TMEM101: variants seen among roughly 807,000 people sequenced by gnomAD.
TMEM101 encodes transmembrane protein 101.
Under a neutral mutation model 26.0 loss-of-function variants are expected in TMEM101, and 14 were observed. That is an observed-to-expected ratio of 0.54 (90% confidence interval 0.36 to 0.84). The LOEUF is 0.84. Among genes scored for constraint, TMEM101 ranks in the 40% least tolerant of loss-of-function variants. The pLI is 0.01. For missense variants in TMEM101, 292 were observed against 345.1 expected, an observed-to-expected ratio of 0.85 and a Z score of 1.22; for synonymous variants, 152 against 145.1, an observed-to-expected ratio of 1.05 and a Z score of -0.34.
chr17:44,012,387 G>C, intron 3 of TMEM101, 151 bp from the exon 4 acceptor site: 1 of 710,430 alleles, frequency 1.4e-6, no homozygotes, highest in Non-Finnish European at 2.3e-6. Context: ...TAGGGCCTTT[G>C]TCTCCCCCTC....
intron 3 of TMEM101, chr17:44,012,674 G>C: frequency 2.4e-6 from 1 of 412,070 alleles, no homozygotes; most frequent in Non-Finnish European, 4.3e-6. Flanking sequence ...TCCCAGCTGG[G>C]GCCTGACCCC....
upstream of TMEM101, among the ~76,000 whole-genome samples, chr17:44,017,949 A>G (rs1458456452): frequency 2.0e-5 from 3 of 151,966 alleles, no homozygotes; most frequent in African/African-American, 7.3e-5. Context: ...CCTGGCCAAC[A>G]TGGCAAAACC....
upstream of TMEM101, among the ~76,000 whole-genome samples, chr17:44,018,436 A>G (rs2049254864): frequency 1.3e-5 from 2 of 152,216 alleles, no homozygotes; most frequent in African/African-American, 4.8e-5. Context: ...GGAGAATGAG[A>G]AAAAGTCTGG....
chr17:44,022,373 G>A (rs1034915353), intron 1 of TMEM101, among the ~76,000 whole-genome samples: 12 of 152,138 alleles, frequency 7.9e-5, no homozygotes, highest in African/African-American at 2.9e-4. Flanking sequence ...CCAGTACACT[G>A]ACTGGGCCAC....
At chr17:44,016,555 T>C (rs2049233659), upstream of TMEM101, among the ~76,000 whole-genome samples, 1 of 152,138 alleles carries the variant, frequency 6.6e-6, no homozygotes, top group Non-Finnish European at 1.5e-5. Flanking sequence ...TGGGTTTCTG[T>C]TTACTGTTTA....
At chr17:44,012,706 C>A in intron 3 of TMEM101, 1 of 419,508 alleles carries the variant, frequency 2.4e-6, no homozygotes, top group Non-Finnish European at 4.2e-6. Context: ...TCCTTTATCC[C>A]CTTCTAGTCC....
upstream of TMEM101, chr17:44,019,241 A>AC (rs1567949015): frequency 2.6e-6 from 1 of 379,742 alleles, no homozygotes; most frequent in Non-Finnish European, 5.2e-6. Context: ...TACTCACCAG[A>AC]CTATGGAGGA....
At chr17:44,018,141 A>G (rs2049252187), upstream of TMEM101, among the ~76,000 whole-genome samples, 2 of 151,948 alleles carry the variant, frequency 1.3e-5, 1 homozygote, top group Admixed American at 1.3e-4. Context: ...AAACAAACAC[A>G]GTCACTAGGA....
In TMEM101 at chr17:44,013,046, G is replaced by A. The variant is rs778368490; in HGVS notation, c.428C>T (p.Thr143Ile). The A allele has an allele frequency of 6.2e-7, 1 of 1,608,282 alleles. No individual in the cohort carries two copies. Among genetic ancestry groups the A allele is most frequent in the Non-Finnish European group, 8.5e-7 (1 of 1,175,532 alleles). Residue 143 changes from threonine (T) to isoleucine (I), a missense_variant, in exon 3 of 4, where the codon ACC becomes ATC. By Grantham distance (89) the Thr-to-Ile change is moderately conservative. Around this residue, in one of 2 missense-constraint regions of TMEM101, gnomAD observed 149 missense variants for 211.9 expected, o/e 0.70. Transcript: ENST00000206380. Reference sequence around the variant, plus strand: ...GTAGATACCCAGGAACACCTGGCCGGTGGACTGCAGGGAGCGGCTGCGAGG... The same window carrying A: ...GTAGATACCCAGGAACACCTGGCCGATGGACTGCAGGGAGCGGCTGCGAGG... ...RKPRSRSLQS[T>I]GQVFLGIYLI...
At chr17:44,021,851 G>A (rs185427028) in intron 1 of TMEM101, among the ~76,000 whole-genome samples, 1 of 152,178 alleles carries the variant, frequency 6.6e-6, no homozygotes, top group African/African-American at 2.4e-5. Context: ...AAGCTTTGCC[G>A]GCCTCTGGCA....
At chr17:44,013,906 T>C (rs535734269) in intron 2 of TMEM101, among the ~76,000 whole-genome samples, 1 of 152,326 alleles carries the variant, frequency 6.6e-6, no homozygotes, top group East Asian at 1.9e-4. Flanking sequence ...TTGTCCAACC[T>C]TATCTCCAGC....
upstream of TMEM101, among the ~76,000 whole-genome samples, chr17:44,015,517 C>A (rs773480184): frequency 2.6e-5 from 4 of 152,192 alleles, no homozygotes; most frequent in Non-Finnish European, 4.4e-5. Flanking sequence ...CCTCAGCCTC[C>A]TGAGTAGCTG....
At chr17:44,016,022 T>G (rs543552284), upstream of TMEM101, among the ~76,000 whole-genome samples, 1 of 152,050 alleles carries the variant, frequency 6.6e-6, no homozygotes, top group African/African-American at 2.4e-5. Flanking sequence ...CAGCCCCTTC[T>G]CCCACGCCCC....
chr17:44,017,145 T>A (rs1403005844), upstream of TMEM101, among the ~76,000 whole-genome samples: 2 of 85,636 alleles, frequency 2.3e-5, no homozygotes, highest in Non-Finnish European at 5.3e-5. Flanking sequence ...ATTGAGAGAC[T>A]CTGTCTCAAA....
At chr17:44,012,548 G>A (rs1408003807) in intron 3 of TMEM101, 3 of 410,746 alleles carry the variant, frequency 7.3e-6, no homozygotes, top group Non-Finnish European at 1.3e-5. Flanking sequence ...CGGTAATTAA[G>A]ATAAGACCTA....
upstream of TMEM101, among the ~76,000 whole-genome samples, chr17:44,017,152 CAA>C (rs11406745): frequency 7.4e-6 from 1 of 135,288 alleles, no homozygotes; most frequent in Non-Finnish European, 1.6e-5. Flanking sequence ...GACTCTGTCT[CAA>C]AAAAAAAAAA....
rs1012568067 is a variant in TMEM101, at chr17:44,011,948, T to A, written c.754A>T (p.Ile252Phe). ...ESVGIFGTAV[I>F]LATDG ...AAAACTCAGCCATCAGTGGCCAGGA[T>A]GACAGCAGTTCCGAAGATGCCCACA... is the stretch of plus-strand genomic sequence containing the variant. Residue 252 changes from isoleucine to phenylalanine, a missense_variant, in exon 4 of 4, where the codon ATC (isoleucine) becomes TTC (phenylalanine). This residue lies in a region of TMEM101 where 149 missense variants were observed against 211.9 expected (regional missense o/e 0.70). Coordinates refer to ENST00000206380, the MANE Select transcript of TMEM101 (RefSeq NM_032376.4). The A allele has an allele frequency of 1.2e-6, 2 of 1,610,654 alleles. No individual in the cohort carries two copies. The highest frequency in any genetic ancestry group is 4.5e-5 in the East Asian group (2 of 44,822).
At chr17:44,021,771 T>C (rs904713671) in intron 1 of TMEM101, among the ~76,000 whole-genome samples, 4 of 152,320 alleles carry the variant, frequency 2.6e-5, no homozygotes, top group Non-Finnish European at 4.4e-5. Context: ...AAAGACATCA[T>C]GGTTGAAGCA....
At chr17:44,012,953 T>C (rs2144008106) in intron 3 of TMEM101, 56 bp downstream of exon 3, 2 of 1,488,236 alleles carry the variant, frequency 1.3e-6, no homozygotes, top group Non-Finnish European at 9.1e-7. Flanking sequence ...CTGCCATGCC[T>C]AGACTCACAG....
Sources: gnomAD v4.1 joint callset for allele counts (sites outside exome capture counted in the v4.1 genomes callset) on GRCh38, gnomAD v4.1.1 for gene constraint, gnomAD v4.1.1 regional missense constraint, MANE v1.5 for transcripts, NCBI Gene and HGNC (gene_info 2026-07-23, HGNC 2026-07-21) for gene names.